The following NPC1L1 variants were observed in gnomAD, a reference collection of about 807,000 sequenced individuals.
NPC1L1 encodes the protein NPC1-like intracellular cholesterol transporter 1.
NPC1L1 carries 98 observed loss-of-function variants against 117.0 expected under a neutral mutation model. The observed-to-expected ratio is 0.84, with a 90% CI of 0.71 to 0.99. The LOEUF is 0.99. Among genes scored for constraint, NPC1L1 ranks in the 50% least tolerant of loss-of-function variants. The pLI is 0.00. For synonymous variants in NPC1L1, 729 were observed against 727.6 expected (o/e 1.00, Z -0.03); for missense variants, 1,540 against 1,710.0 (o/e 0.90, Z 1.75).
At chr7:44,523,196 C>T (rs532570195) in intron 10 of NPC1L1, among the ~76,000 whole-genome samples, 2 of 152,314 alleles carry the variant, frequency 1.3e-5, no homozygotes, top group South Asian at 2.1e-4. Context: ...GCTAGGATTA[C>T]AGGCATGTGC....
intron 9 of NPC1L1, 44 bp from the exon 10 acceptor site, chr7:44,531,888 G>A (rs932223704): frequency 2.9e-5 from 44 of 1,541,250 alleles, no homozygotes; most frequent in Middle Eastern, 1.7e-4. Context: ...CCCAACAGCC[G>A]TCCCCCATCT....
chr7:44,517,107 G>A (rs937617796), intron 15 of NPC1L1, 100 bp downstream of exon 15: 1 of 1,544,136 alleles, frequency 6.5e-7, no homozygotes, highest in Non-Finnish European at 8.9e-7. Flanking sequence ...CCTAAAACTG[G>A]TCCTCATCTC....
At position 44,538,800 on chromosome 7, in the gene NPC1L1, C is replaced by A. The variant is rs1801978164; in HGVS notation, c.1580+17G>T. ...AGCCCCAGCCCACTCCTCGCTTGGG[C>A]CCCACCATGGACTCACTTGGCACAG... On this transcript the variant is annotated intron_variant, in intron 2 of 18. Coordinates refer to ENST00000381160, the MANE Select transcript of NPC1L1 (RefSeq NM_001101648.2). The surrounding 1 kb of genome is among the most constrained non-coding windows in gnomAD (Gnocchi z 5.9). 2 of 1,613,588 alleles carry A rather than the reference C, an allele frequency of 1.2e-6. No individual in the cohort carries two copies. The highest frequency in any genetic ancestry group is 1.7e-6 in the Non-Finnish European group (2 of 1,179,700).
rs775202840 is a variant in NPC1L1 at position 44,516,904 on chromosome 7, C to T, written c.3318G>A (p.Leu1106=). 3.1e-6 allele frequency: 5 copies of T among 1,613,894 alleles called. No individual in the cohort carries two copies. The South Asian group carries it at 5.5e-5, about 18-fold the overall frequency. The change falls in exon 16 of 19, where the codon CTG becomes CTA. Residue 1106 remains leucine (L), a synonymous_variant. Transcript: ENST00000381160. ...TGAAGAGCCCCTCAGGGAGGATGGTCAGGTACTGCTCATAAAACACATTGG... is the reference window on the plus strand; with the variant it reads ...TGAAGAGCCCCTCAGGGAGGATGGTTAGGTACTGCTCATAAAACACATTGG... ...TITNVFYEQY[L]TILPEGLFML...
chr7:44,518,750 G>A, intron 14 of NPC1L1: 1 of 1,110,296 alleles, frequency 9.0e-7, no homozygotes, highest in Non-Finnish European at 1.1e-6. Flanking sequence ...CTACATAGGT[G>A]TGGAGAAAAA....
intron 10 of NPC1L1, among the ~76,000 whole-genome samples, chr7:44,525,019 GA>G (rs141032772): frequency 1.3e-5 from 2 of 151,264 alleles, no homozygotes; most frequent in Non-Finnish European, 2.9e-5. Context: ...GAAGAGAAAG[GA>G]AAAAAAATAA....
At position 44,536,472 on chromosome 7, in the gene NPC1L1, T is replaced by C. The variant is rs764095748; in HGVS notation, c.1682-44A>G. The C allele has an allele frequency of 1.9e-6, 3 of 1,595,134 alleles. No individual in the cohort carries two copies. Among genetic ancestry groups the C allele is most frequent in the Non-Finnish European group, 2.6e-6 (3 of 1,174,010 alleles). On this transcript the variant is annotated intron_variant, in intron 3 of 18. Transcript: ENST00000381160. This position sits in a 1 kb window ranked among gnomAD's most constrained non-coding sequence, Gnocchi z 4.7. ...AGACCCTTCCTGCTGCACCCGTGCC[T>C]CCCTCCCCCTCCAGCTGCACCCCTA...
At chr7:44,535,140 C>A (rs577118761) in intron 5 of NPC1L1, among the ~76,000 whole-genome samples, 41 of 152,114 alleles carry the variant, frequency 2.7e-4, no homozygotes, top group African/African-American at 9.6e-4. Flanking sequence ...TTTGGGTGGG[C>A]GGATCACCTG....
Position 44,539,113 on chromosome 7 carries a change from C to A in NPC1L1, c.1284G>T (p.Gly428=), listed in dbSNP as rs768226054. The A allele has an allele frequency of 1.9e-6, 3 of 1,614,122 alleles. No homozygotes were observed. Among genetic ancestry groups the A allele is most frequent in the Non-Finnish European group, 2.5e-6 (3 of 1,180,024 alleles). ...CCAGGATTCCGCTGAAGTTCTTGGG[C>A]CCCAGCAGCAGAGAGTCATACCTGT... ...SSYRYDSLLL[G]PKNFSGILDL... is the part of the protein sequence containing the mutation. The change falls in exon 2 of 19, where the codon GGG becomes GGT. Residue 428 remains glycine, a synonymous_variant. Coordinates refer to ENST00000381160, the MANE Select transcript of NPC1L1 (RefSeq NM_001101648.2). The surrounding 1 kb of genome is among the most constrained non-coding windows in gnomAD (Gnocchi z 4.4).
chr7:44,533,335 C>A, intron 8 of NPC1L1, 96 bp downstream of exon 8: 2 of 1,497,186 alleles, frequency 1.3e-6, no homozygotes, highest in Non-Finnish European at 1.9e-6. Context: ...CCACCCCATT[C>A]TCTGGGCCAT....
chr7:44,520,645 G>A (rs1271716139), intron 14 of NPC1L1, 120 bp downstream of exon 14: 14 of 867,716 alleles, frequency 1.6e-5, no homozygotes, highest in Admixed American at 3.4e-5. Context: ...CAGGGCCAGC[G>A]CAGTGAGAAC....
At position 44,513,355 on chromosome 7, in the gene NPC1L1, G is replaced by C; in HGVS notation, c.*92C>G. On this transcript the variant is annotated 3_prime_UTR_variant, in exon 19 of 19. Transcript: ENST00000381160. ...ATGGGAATGGCCTCCCCTAGGATTT[G>C]AGGAGGGCGTGTGTCAAGGGGCAGT... 1 of 1,246,560 alleles carries C rather than the reference G, an allele frequency of 8.0e-7. No homozygotes were observed. Among genetic ancestry groups the C allele is most frequent in the Non-Finnish European group, 1.2e-6 (1 of 850,802 alleles). 77.2% of individuals were successfully genotyped at this position (1,246,560 alleles called of 1,614,324 possible). A position where few individuals can be genotyped will look rare whatever the true frequency, so the allele number is the denominator to read the frequency against.
chr7:44,533,995 A>C, intron 6 of NPC1L1, 142 bp from the exon 7 acceptor site: 13 of 707,038 alleles, frequency 1.8e-5, no homozygotes, highest in East Asian at 2.7e-5. Context: ...AGAGACTCTC[A>C]TACTCTCCAT....
chr7:44,529,657 A>C (rs80150848), intron 10 of NPC1L1, among the ~76,000 whole-genome samples: 48 of 151,690 alleles, frequency 3.2e-4, no homozygotes, highest in Non-Finnish European at 6.3e-4. Context: ...GGATTACAGG[A>C]GTGAGCCACC....
Position 44,536,106 on chromosome 7 carries a change from A to G in NPC1L1, c.1855-138T>C. 6.5e-7 allele frequency: 1 copy of G among 1,533,276 alleles called. No individual in the cohort carries two copies. Among genetic ancestry groups the G allele is most frequent in the Non-Finnish European group, 9.0e-7 (1 of 1,110,836 alleles). The allele number at this position is 1,533,276 out of a possible 1,614,324, so 95.0% of individuals were successfully genotyped here. A position where few individuals can be genotyped will look rare whatever the true frequency, so the allele number is the denominator to read the frequency against. On this transcript the variant is annotated intron_variant, in intron 4 of 18. Transcript: ENST00000381160. This position sits in a 1 kb window ranked among gnomAD's most constrained non-coding sequence, Gnocchi z 4.7. ...GCCCCCTATAATCGCAGGTGAGGCTATAAGAACAGCCATCACAATCACCCC... is the reference window on the plus strand; with the variant it reads ...GCCCCCTATAATCGCAGGTGAGGCTGTAAGAACAGCCATCACAATCACCCC...
intron 10 of NPC1L1, among the ~76,000 whole-genome samples, chr7:44,529,110 AACACACACACACACACACACACACAC>A (rs59108479): frequency 3.8e-4 from 47 of 123,032 alleles, no homozygotes; most frequent in African/African-American, 7.6e-4. Flanking sequence ...GAATGAATTA[AACACACACACACACACACACACACAC>A]ACACACACAC....
Position 44,520,996 on chromosome 7 carries a change from T to A in NPC1L1, c.3076A>T (p.Lys1026Ter). The A allele has an allele frequency of 6.2e-7, 1 of 1,614,132 alleles. No homozygotes were observed. The highest frequency in any genetic ancestry group is 8.5e-7 in the Non-Finnish European group (1 of 1,180,018). ...AGAAGGCCCTCCCAAGCTTACCCTT[T>A]GGGACATTTGATGTTGGGCCGGTCG... ...LNDRPNIKCP[K>*]GGLAAYSTSV... The change falls in exon 13 of 19, where the codon AAA becomes TAA. Residue 1026 changes from lysine (K) to a stop codon, truncating the protein, a stop_gained. Transcript: ENST00000381160. LOFTEE classifies it high-confidence loss of function.
chr7:44,518,261 C>T (rs1585128601), intron 14 of NPC1L1, among the ~76,000 whole-genome samples: 1 of 151,464 alleles, frequency 6.6e-6, no homozygotes, highest in East Asian at 2.0e-4. Context: ...CTTCTGCTTC[C>T]CGGGTTCAAG....
chr7:44,516,075 TCCAC>T lies in NPC1L1; in HGVS notation c.3633+5_3633+8del. 6.2e-7 allele frequency: 1 copy of T among 1,609,846 alleles called. No homozygotes were observed. The highest frequency in any genetic ancestry group is 8.5e-7 in the Non-Finnish European group (1 of 1,177,964). On this transcript the variant is annotated splice_donor_5th_base_variant and intron_variant, in intron 17 of 18. Coordinates refer to ENST00000381160, the MANE Select transcript of NPC1L1 (RefSeq NM_001101648.2). ...TGGGGCACAGGGTGGCCCACTCCTC[TCCAC>T]TCACCGCACTTCCCATAGAGATGGT...
Sources: allele counts gnomAD v4.1 joint callset (sites outside exome capture counted in the v4.1 genomes callset), GRCh38; gene constraint gnomAD v4.1.1; non-coding constraint Gnocchi (gnomAD v3.1); transcripts MANE v1.5; gene names NCBI Gene and HGNC (gene_info 2026-07-23, HGNC 2026-07-21).